The following GARIN2 variants were observed in gnomAD, a reference collection of about 807,000 sequenced individuals.
GARIN2 encodes Golgi-associated RAB2 interactor protein 2.
At chr14:67,225,791 T>C in the GARIN2 span, among the ~76,000 whole-genome samples, 2 of 152,160 alleles carry the variant, frequency 1.3e-5, no homozygotes, top group African/African-American at 2.4e-5. Context: ...AAACACCAGC[T>C]CTGCAGTGCG....
the GARIN2 span, among the ~76,000 whole-genome samples, chr14:67,214,210 T>C: frequency 6.6e-6 from 1 of 152,236 alleles, no homozygotes; most frequent in African/African-American, 2.4e-5. Context: ...TTGCCATTGC[T>C]TTTGGTGTTT....
At chr14:67,228,155 G>A in the GARIN2 span, among the ~76,000 whole-genome samples, 2 of 148,202 alleles carry the variant, frequency 1.3e-5, no homozygotes, top group African/African-American at 5.0e-5. Flanking sequence ...GGGTGACAGA[G>A]TGAGACTTTG....
chr14:67,205,030 T>C, the GARIN2 span: 2 of 1,552,770 alleles, frequency 1.3e-6, no homozygotes, highest in Non-Finnish European at 1.7e-6. Flanking sequence ...TACAAACTGC[T>C]CGGGAGTCAC....
chr14:67,193,366 TATCTATATATCTAG>T, the GARIN2 span, among the ~76,000 whole-genome samples: 1 of 139,126 alleles, frequency 7.2e-6, no homozygotes, highest in Non-Finnish European at 1.6e-5. Context: ...ATATATAATC[TATCTATATATCTAG>T]ATATATCTAG....
the GARIN2 span, among the ~76,000 whole-genome samples, chr14:67,198,761 A>T: frequency 1.3e-5 from 2 of 152,214 alleles, no homozygotes; most frequent in Non-Finnish European, 2.9e-5. Context: ...TTCTCATAAG[A>T]ATGTCCCTAC....
the GARIN2 span, chr14:67,204,361 C>A: frequency 2.1e-6 from 1 of 478,344 alleles, no homozygotes; most frequent in Non-Finnish European, 2.7e-6. Context: ...ACCACTTAGG[C>A]ACAGGAAGTC....
At chr14:67,219,980 A>T in the GARIN2 span, among the ~76,000 whole-genome samples, 9 of 152,250 alleles carry the variant, frequency 5.9e-5, no homozygotes, top group Non-Finnish European at 1.2e-4. Flanking sequence ...TGAAAGATGT[A>T]ATATTCTAAG....
chr14:67,198,921 A>T, the GARIN2 span: 1 of 698,166 alleles, frequency 1.4e-6, no homozygotes, highest in Non-Finnish European at 2.6e-6. Context: ...TCCATAACAA[A>T]GTCTAACACT....
the GARIN2 span, chr14:67,200,094 A>G: frequency 9.9e-7 from 1 of 1,008,918 alleles, no homozygotes; most frequent in South Asian, 1.6e-5. Context: ...CTTATCCTGG[A>G]CCTCCTCCAA....
chr14:67,224,252 CTCTTT>C, the GARIN2 span, among the ~76,000 whole-genome samples: 15 of 147,926 alleles, frequency 1.0e-4, no homozygotes, highest in Non-Finnish European at 2.1e-4. Flanking sequence ...GTTCATTTCT[CTCTTT>C]TCTTTTTTTT....
the GARIN2 span, among the ~76,000 whole-genome samples, chr14:67,195,713 T>TTGTGTG: frequency 0.025 from 3,611 of 143,230 alleles, 84 homozygotes; most frequent in African/African-American, 0.063. Flanking sequence ...TTCTTTTTGG[T>TTGTGTG]TGTGTGTGTG....
chr14:67,225,960 TGTGCGCGCGC>T, the GARIN2 span, among the ~76,000 whole-genome samples: 147 of 119,804 alleles, frequency 1.2e-3, 2 homozygotes, highest in South Asian at 0.014. Context: ...TGTGTGTGTG[TGTGCGCGCGC>T]GCGCGTGCGC....
the GARIN2 span, among the ~76,000 whole-genome samples, chr14:67,225,954 TGTGTGTGTGCGCGC>T: frequency 2.2e-5 from 3 of 138,022 alleles, no homozygotes; most frequent in African/African-American, 9.1e-5. Flanking sequence ...TGTGTGTGTG[TGTGTGTGTGCGCGC>T]GCGCGCGTGC....
At chr14:67,210,045 CTT>C in the GARIN2 span, among the ~76,000 whole-genome samples, 1 of 152,096 alleles carries the variant, frequency 6.6e-6, no homozygotes, top group Non-Finnish European at 1.5e-5. Flanking sequence ...CAACAACACT[CTT>C]AGTGTCACTG....
the GARIN2 span, chr14:67,227,456 GAAAAA>G: frequency 2.1e-5 from 3 of 141,258 alleles, no homozygotes; most frequent in East Asian, 6.3e-4. Flanking sequence ...AAAAAAAAAA[GAAAAA>G]AAAGAAAAAT....
chr14:67,200,202 C>T, the GARIN2 span: 2 of 1,127,600 alleles, frequency 1.8e-6, no homozygotes, highest in Non-Finnish European at 2.5e-6. Flanking sequence ...CACTGATGCC[C>T]CCCATGGATA....
chr14:67,193,708 C>T, the GARIN2 span, among the ~76,000 whole-genome samples: 114 of 142,758 alleles, frequency 8.0e-4, no homozygotes, highest in African/African-American at 2.9e-3. Context: ...TTTGGGAGGC[C>T]AAAACAGGTG....
the GARIN2 span, among the ~76,000 whole-genome samples, chr14:67,212,820 C>A: frequency 6.6e-6 from 1 of 151,416 alleles, no homozygotes; most frequent in South Asian, 2.1e-4. Flanking sequence ...AGCCACAAAC[C>A]TTGAAATCAG....
At chr14:67,191,988 G>A in the GARIN2 span, among the ~76,000 whole-genome samples, 1 of 152,182 alleles carries the variant, frequency 6.6e-6, no homozygotes, top group African/African-American at 2.4e-5. Context: ...AAGGATTGAG[G>A]GGGAGAAAAA....
Sources: gnomAD v4.1 joint callset for allele counts (sites outside exome capture counted in the v4.1 genomes callset) on GRCh38, gnomAD v4.1.1 for gene constraint, MANE v1.5 for transcripts, NCBI Gene and HGNC (gene_info 2026-07-23, HGNC 2026-07-21) for gene names.